The following TEX14 variants were observed in gnomAD, a reference collection of about 807,000 sequenced individuals.
TEX14 encodes the protein inactive serine/threonine-protein kinase TEX14.
TEX14 carries 168 observed loss-of-function variants against 178.6 expected under a neutral mutation model. The observed-to-expected ratio is 0.94, with a 90% CI of 0.83 to 1.07. The LOEUF is 1.07. TEX14 is among the 50% of genes least tolerant of loss of function. The probability of loss-of-function intolerance (pLI) is 0.00; values close to 1 mark genes in which losing one functional copy is unlikely to be tolerated. For synonymous variants in TEX14, 626 were observed against 634.1 expected, an observed-to-expected ratio of 0.99 and a Z score of 0.19; for missense variants, 1,730 against 1,753.6, an observed-to-expected ratio of 0.99 and a Z score of 0.24.
At chr17:58,642,325 G>C (rs1475043050) in intron 2 of TEX14, among the ~76,000 whole-genome samples, 1 of 152,060 alleles carries the variant, frequency 6.6e-6, no homozygotes, top group African/African-American at 2.4e-5. Context: ...GTGACCATCA[G>C]GTTGTAAAGA....
chr17:58,637,039 G>A (rs373900459), intron 2 of TEX14, among the ~76,000 whole-genome samples: 15 of 152,020 alleles, frequency 9.9e-5, no homozygotes, highest in African/African-American at 3.6e-4. Context: ...CCAGTCTGGC[G>A]AACACGGTGA....
chr17:58,679,995 G>A (rs1380702741), intron 1 of TEX14, among the ~76,000 whole-genome samples: 1 of 152,054 alleles, frequency 6.6e-6, no homozygotes, highest in African/African-American at 2.4e-5. Context: ...ACTTAAAAAT[G>A]CTCTACAGAT....
At chr17:58,603,851 CAA>C (rs1248380277) in intron 11 of TEX14, among the ~76,000 whole-genome samples, 8 of 86,624 alleles carry the variant, frequency 9.2e-5, no homozygotes, top group Admixed American at 1.3e-4. Flanking sequence ...GAGACTCTGT[CAA>C]AAAAAAAAAA....
At chr17:58,626,914 C>T (rs185511644) in intron 3 of TEX14, among the ~76,000 whole-genome samples, 5 of 152,194 alleles carry the variant, frequency 3.3e-5, no homozygotes, top group African/African-American at 1.2e-4. Context: ...TTCCCCTTCA[C>T]CTTGATCAGA....
intron 1 of TEX14, among the ~76,000 whole-genome samples, chr17:58,660,069 T>C (rs2047076110): frequency 1.3e-5 from 2 of 151,602 alleles, no homozygotes; most frequent in Non-Finnish European, 2.9e-5. Flanking sequence ...AAAACTAGAT[T>C]GATGGCTCAC....
chr17:58,565,022 G>C (rs2044368938), intron 27 of TEX14, 54 bp from the exon 28 acceptor site: 1 of 1,234,348 alleles, frequency 8.1e-7, no homozygotes, highest in South Asian at 1.3e-5. Context: ...AATTGAGAAA[G>C]CTTGCCTTAA....
intron 2 of TEX14, among the ~76,000 whole-genome samples, chr17:58,642,540 T>TA (rs1312987572): frequency 6.6e-6 from 1 of 151,882 alleles, no homozygotes; most frequent in East Asian, 1.9e-4. Flanking sequence ...TTATTTATTT[T>TA]TTTTTTTATG....
chr17:58,658,939 G>A (rs1429080796), intron 1 of TEX14, among the ~76,000 whole-genome samples: 1 of 151,614 alleles, frequency 6.6e-6, no homozygotes, highest in South Asian at 2.1e-4. Context: ...GCTAGCACAG[G>A]TGCGTACCAC....
chr17:58,580,643 T>C (rs1267875486), intron 19 of TEX14, among the ~76,000 whole-genome samples: 3 of 152,128 alleles, frequency 2.0e-5, no homozygotes, highest in African/African-American at 7.2e-5. Context: ...CTAGAATTCT[T>C]ATCAGTCAAA....
chr17:58,563,658 T>TATATAGAGAG (rs1351647352), intron 28 of TEX14, among the ~76,000 whole-genome samples: 1 of 17,488 alleles, frequency 5.7e-5, no homozygotes, highest in Non-Finnish European at 8.7e-5. Context: ...TATATATATA[T>TATATAGAGAG]AGAGAGAGAG....
At chr17:58,617,929 C>T (rs935200122) in intron 5 of TEX14, among the ~76,000 whole-genome samples, 4 of 152,222 alleles carry the variant, frequency 2.6e-5, no homozygotes, top group Non-Finnish European at 5.9e-5. Context: ...AAGGCGTCAG[C>T]CCTGATCTCT....
At position 58,561,512 on chromosome 17, in the gene TEX14, A is replaced by T. The variant is rs371087084; in HGVS notation, c.4157+8T>A. 6.9e-6 allele frequency: 11 copies of T among 1,600,080 alleles called. No individual in the cohort carries two copies. The African/African-American group carries it at 1.3e-4, about 19-fold the overall frequency. On this transcript the variant is annotated splice_region_variant and intron_variant, in intron 29 of 31. Transcript: ENST00000349033. ...GAAGAAAAGGATTCCCCTTTGGGGA[A>T]CAATAACCTTTCAGAGCCCTTGGGA...
At chr17:58,612,403 A>C (rs2045766735) in intron 9 of TEX14, among the ~76,000 whole-genome samples, 1 of 152,126 alleles carries the variant, frequency 6.6e-6, no homozygotes, top group Non-Finnish European at 1.5e-5. Context: ...AGCCTGGGCA[A>C]CATAGTGGGA....
At chr17:58,650,400 G>A (rs939216348) in intron 2 of TEX14, among the ~76,000 whole-genome samples, 1 of 152,036 alleles carries the variant, frequency 6.6e-6, no homozygotes, top group Non-Finnish European at 1.5e-5. Flanking sequence ...ATGTGGATAT[G>A]TTATGGAGTA....
At chr17:58,565,921 G>T in intron 26 of TEX14, 97 bp from the exon 27 acceptor site, 1 of 935,390 alleles carries the variant, frequency 1.1e-6, no homozygotes, top group Non-Finnish European at 1.7e-6. Context: ...CCTTAGACTT[G>T]CAGCATTAAC....
chr17:58,628,067 C>A (rs901745125), intron 3 of TEX14, among the ~76,000 whole-genome samples: 7 of 151,774 alleles, frequency 4.6e-5, no homozygotes, highest in Non-Finnish European at 1.0e-4. Flanking sequence ...CCCTTTCTCT[C>A]CGGGCTTTGA....
At chr17:58,636,886 C>A (rs925110952) in intron 2 of TEX14, among the ~76,000 whole-genome samples, 1 of 150,904 alleles carries the variant, frequency 6.6e-6, no homozygotes, top group Admixed American at 6.6e-5. Context: ...ACACTCCAGC[C>A]TGGGCGACAG....
chr17:58,624,183 G>A (rs1394566374), intron 3 of TEX14, among the ~76,000 whole-genome samples: 1 of 151,954 alleles, frequency 6.6e-6, no homozygotes, highest in Admixed American at 6.6e-5. Context: ...TACTCGGGAG[G>A]CTGAGGCTAA....
chr17:58,663,634 T>G (rs1024348116), intron 1 of TEX14, among the ~76,000 whole-genome samples: 1 of 151,896 alleles, frequency 6.6e-6, no homozygotes, highest in Non-Finnish European at 1.5e-5. Context: ...GCCTGGCTAA[T>G]TTTTTGTGTT....
Sources: allele counts gnomAD v4.1 joint callset (sites outside exome capture counted in the v4.1 genomes callset), GRCh38; gene constraint gnomAD v4.1.1; transcripts MANE v1.5; gene names NCBI Gene and HGNC (gene_info 2026-07-23, HGNC 2026-07-21).